The following LIN54 variants were observed in gnomAD, a reference collection of about 807,000 sequenced individuals.
LIN54 encodes the protein protein lin-54 homolog.
LIN54 carries 9 observed loss-of-function variants against 78.7 expected under a neutral mutation model. The observed-to-expected ratio is 0.11, with a 90% CI of 0.07 to 0.20. LIN54 has a LOEUF of 0.20. Ranked by LOEUF, LIN54 falls within the 10% of genes least tolerant of loss-of-function variation. LIN54 has a pLI of 1.00. For missense variants in LIN54, 573 were observed against 889.9 expected (o/e 0.64, Z 4.53); for synonymous variants, 269 against 318.4 (o/e 0.84, Z 1.65).
At chr4:82,983,756 A>G (rs1259892497) in intron 2 of LIN54, among the ~76,000 whole-genome samples, 1 of 152,108 alleles carries the variant, frequency 6.6e-6, no homozygotes, top group Non-Finnish European at 1.5e-5. Context: ...TCAGAGCAAC[A>G]AAGTTCTCCT....
chr4:82,988,611 T>A (rs1405443308), intron 1 of LIN54, among the ~76,000 whole-genome samples: 1 of 152,224 alleles, frequency 6.6e-6, no homozygotes, highest in Admixed American at 6.5e-5. Context: ...TAATTTTGCA[T>A]GAAACTGCTA....
chr4:82,980,068 A>C (rs1275051465), intron 2 of LIN54, among the ~76,000 whole-genome samples: 1 of 151,940 alleles, frequency 6.6e-6, no homozygotes, highest in Non-Finnish European at 1.5e-5. Flanking sequence ...ATTATATTTT[A>C]AATTCCTTGA....
intron 11 of LIN54, among the ~76,000 whole-genome samples, chr4:82,933,419 A>G (rs1470789876): frequency 6.6e-6 from 1 of 151,882 alleles, no homozygotes; most frequent in Non-Finnish European, 1.5e-5. Flanking sequence ...AATGGTCACA[A>G]GAAAAGACAC....
chr4:82,963,994 T>C (rs1302120804), intron 4 of LIN54, among the ~76,000 whole-genome samples: 1 of 152,152 alleles, frequency 6.6e-6, no homozygotes, highest in Non-Finnish European at 1.5e-5. Flanking sequence ...TAATGTAATA[T>C]GTGAATTATG....
intron 4 of LIN54, among the ~76,000 whole-genome samples, chr4:82,969,173 C>A (rs79945635): frequency 6.6e-6 from 1 of 152,174 alleles, no homozygotes; most frequent in Non-Finnish European, 1.5e-5. Flanking sequence ...TAAAGTATCA[C>A]CTCAATCCAG....
chr4:82,962,521 GATTA>G (rs1260659290), intron 4 of LIN54, among the ~76,000 whole-genome samples: 2 of 152,030 alleles, frequency 1.3e-5, no homozygotes, highest in Non-Finnish European at 2.9e-5. Context: ...AGAACTTTAT[GATTA>G]ATTAATCAAG....
intron 8 of LIN54, 33 bp from the exon 9 acceptor site, chr4:82,937,331 T>A: frequency 7.0e-7 from 1 of 1,430,862 alleles, no homozygotes; most frequent in Non-Finnish European, 9.5e-7. Flanking sequence ...ATACATTTAA[T>A]CAATTAATAG....
chr4:82,953,464 T>A (rs1324135970), intron 4 of LIN54, among the ~76,000 whole-genome samples: 3 of 152,080 alleles, frequency 2.0e-5, no homozygotes, highest in African/African-American at 7.2e-5. Context: ...GCCACAATTT[T>A]AAAAAATTGA....
intron 1 of LIN54, among the ~76,000 whole-genome samples, chr4:83,009,195 C>T (rs1729655904): frequency 6.6e-6 from 1 of 152,164 alleles, no homozygotes; most frequent in South Asian, 2.1e-4. Context: ...CCTATTCACA[C>T]AAAATATTTC....
chr4:82,989,931 A>G (rs755232763), intron 1 of LIN54, among the ~76,000 whole-genome samples: 1 of 152,190 alleles, frequency 6.6e-6, no homozygotes, highest in Non-Finnish European at 1.5e-5. Context: ...AGCAGGGGCC[A>G]TGAAGTTGAG....
At chr4:82,971,374 T>C (rs1424461522) in intron 3 of LIN54, among the ~76,000 whole-genome samples, 5 of 151,630 alleles carry the variant, frequency 3.3e-5, no homozygotes, top group Non-Finnish European at 7.4e-5. Flanking sequence ...CAGCATTTAT[T>C]ACTGCCTATG....
chr4:83,012,287 T>G (rs1729897768), upstream of LIN54, among the ~76,000 whole-genome samples: 1 of 152,038 alleles, frequency 6.6e-6, no homozygotes, highest in South Asian at 2.1e-4. Flanking sequence ...GACATTTGGC[T>G]GGTGGGCTTC....
chr4:82,961,255 C>T (rs1437634483), intron 4 of LIN54, among the ~76,000 whole-genome samples: 1 of 152,158 alleles, frequency 6.6e-6, no homozygotes, highest in Non-Finnish European at 1.5e-5. Flanking sequence ...GATAATGCAA[C>T]TACAGCCCAA....
intron 3 of LIN54, among the ~76,000 whole-genome samples, chr4:82,974,196 C>T (rs1488239297): frequency 1.3e-5 from 2 of 148,864 alleles, no homozygotes; most frequent in Non-Finnish European, 3.0e-5. Context: ...GGTGACAGAG[C>T]AAAACTCCCT....
At position 82,936,741 on chromosome 4, in the gene LIN54, A is replaced by G. The variant is rs143641994; in HGVS notation, c.1605-360T>C. Among the ~76,000 whole-genome samples the G allele has an allele frequency of 9.8e-5, 15 of 152,328 alleles. No homozygotes were observed. In the East Asian group the frequency reaches 2.9e-3, roughly 29 times the overall value. On this transcript the variant is annotated intron_variant, in intron 9 of 12. Coordinates refer to ENST00000340417, the MANE Select transcript of LIN54 (RefSeq NM_194282.4). ...TTCTGAAAAAGGAAAAACACTAGCT[A>G]TATTCTAATAGTTGAACTGGCTCAT...
In LIN54 at chr4:82,994,976, G is replaced by T. The variant is rs150545489; in HGVS notation, c.-32-10100C>A. Reference sequence around the variant, plus strand: ...GTGGGACTCTCCCTTTGAACTAGGAGCAAAGTCCAAACTTCTAACAAGAAA... The same window carrying T: ...GTGGGACTCTCCCTTTGAACTAGGATCAAAGTCCAAACTTCTAACAAGAAA... On this transcript the variant is annotated intron_variant, in intron 1 of 12. Transcript: ENST00000340417. Among the ~76,000 whole-genome samples the T allele has an allele frequency of 4.6e-5, 7 of 152,090 alleles. No individual in the cohort carries two copies. The East Asian group carries it at 1.4e-3, about 29-fold the overall frequency.
Position 82,927,323 on chromosome 4 carries a change from C to G in LIN54, c.*779G>C, listed in dbSNP as rs1490721475. On this transcript the variant is annotated 3_prime_UTR_variant, in exon 13 of 13. Transcript: ENST00000340417. ...ACATAATGTTTACTTCCATTTATAT[C>G]CACCTATCATTTTAATAGTACCCAG... 6.6e-6 allele frequency: 1 copy of G among 152,056 alleles called. No individual in the cohort carries two copies. The highest frequency in any genetic ancestry group is 2.4e-5 in the African/African-American group (1 of 41,394). The allele number at this position is 152,056 out of a possible 1,614,324, so 9.4% of individuals were successfully genotyped here.
At chr4:82,972,062 G>C (rs1725700944) in intron 3 of LIN54, among the ~76,000 whole-genome samples, 2 of 152,042 alleles carry the variant, frequency 1.3e-5, no homozygotes, top group South Asian at 4.2e-4. Context: ...CTTTTGTTTT[G>C]TTTTGTTTTG....
At chr4:82,983,251 C>T (rs561354122) in intron 2 of LIN54, among the ~76,000 whole-genome samples, 11 of 152,138 alleles carry the variant, frequency 7.2e-5, no homozygotes, top group East Asian at 5.8e-4. Context: ...TCAGGTGATC[C>T]GCCCACCTCA....
Sources: allele counts gnomAD v4.1 joint callset (sites outside exome capture counted in the v4.1 genomes callset), GRCh38; gene constraint gnomAD v4.1.1; transcripts MANE v1.5; gene names NCBI Gene and HGNC (gene_info 2026-07-23, HGNC 2026-07-21).